PTBP3: variants seen among roughly 807,000 people sequenced by gnomAD.
The protein encoded by PTBP3 is polypyrimidine tract binding protein 3, also known as polypyrimidine tract-binding protein 3.
Under a neutral mutation model 58.7 loss-of-function variants are expected in PTBP3, and 20 were observed. The observed-to-expected ratio is 0.34, with a 90% CI of 0.24 to 0.50. The LOEUF is 0.50. Ranked by LOEUF, PTBP3 falls within the 20% of genes least tolerant of loss-of-function variation. The pLI is 0.98. For missense variants in PTBP3, 509 were observed against 637.2 expected (o/e 0.80, Z 2.17); for synonymous variants, 185 against 219.8 (o/e 0.84, Z 1.40).
intron 1 of PTBP3, chr9:112,298,577 A>C (rs531534234): frequency 3.9e-6 from 2 of 510,500 alleles, no homozygotes; most frequent in African/African-American, 3.9e-5. Flanking sequence ...AGGACAATAA[A>C]TACTATGTAC....
At chr9:112,308,444 T>C (rs1004788071) in intron 1 of PTBP3, among the ~76,000 whole-genome samples, 9 of 151,684 alleles carry the variant, frequency 5.9e-5, no homozygotes, top group Non-Finnish European at 1.0e-4. Flanking sequence ...AATTACAGAC[T>C]ACTTCAATAT....
At chr9:112,269,663 A>C (rs890316799) in intron 3 of PTBP3, among the ~76,000 whole-genome samples, 42 of 152,194 alleles carry the variant, frequency 2.8e-4, no homozygotes, top group African/African-American at 9.4e-4. Context: ...TGTAGCTCTA[A>C]CATGAGATGA....
At chr9:112,326,231 A>C (rs1243316540) in intron 1 of PTBP3, among the ~76,000 whole-genome samples, 2 of 152,218 alleles carry the variant, frequency 1.3e-5, no homozygotes, top group Non-Finnish European at 2.9e-5. Flanking sequence ...ATTACAGCTC[A>C]GTTTAAAAGG....
At position 112,223,020 on chromosome 9, in the gene PTBP3, T is replaced by A; in HGVS notation, c.*831A>T. ...TAAAAAAGTAGTTTATAAGTAGGAT[T>A]ATTTTTCTTTAAAATTTTCCAAGAT... On this transcript the variant is annotated 3_prime_UTR_variant, in exon 14 of 14. Transcript: ENST00000374257. 1.2e-6 allele frequency: 1 copy of A among 849,520 alleles called. No individual in the cohort carries two copies. The highest frequency in any genetic ancestry group is 1.4e-6 in the Non-Finnish European group (1 of 705,968). 52.6% of individuals were successfully genotyped at this position (849,520 alleles called of 1,614,324 possible).
In PTBP3 at chr9:112,218,635, T is replaced by TCTCTTTGCATTTATAACATAATTCA. The variant is rs1834701007; in HGVS notation, c.*5191_*5215dup. On this transcript the variant is annotated 3_prime_UTR_variant, in exon 14 of 14. Coordinates refer to ENST00000374257, the MANE Select transcript of PTBP3 (RefSeq NM_001163788.4). ...AAATATGTTTTTTAATATTTTATCT[T>TCTCTTTGCATTTATAACATAATTCA]CTCTTTGCATTTATAACATAATTCA... 6.6e-6 allele frequency: 1 copy of TCTCTTTGCATTTATAACATAATTCA among 152,658 alleles called. No individual in the cohort carries two copies. The allele number at this position is 152,658 out of a possible 1,614,324, so 9.5% of individuals were successfully genotyped here.
At chr9:112,363,410 T>A in the PTBP3 span, among the ~76,000 whole-genome samples, 4 of 151,808 alleles carry the variant, frequency 2.6e-5, no homozygotes, top group African/African-American at 7.3e-5. Flanking sequence ...TCCCAGTTAC[T>A]CGGGAGGCTG....
At chr9:112,267,243 G>A (rs1325700931) in intron 4 of PTBP3, among the ~76,000 whole-genome samples, 2 of 147,606 alleles carry the variant, frequency 1.4e-5, no homozygotes, top group Non-Finnish European at 1.5e-5. Flanking sequence ...TCGGCTCACC[G>A]CAAGCTCCGC....
At chr9:112,234,765 T>C in intron 8 of PTBP3, 55 bp downstream of exon 8, 1 of 1,497,954 alleles carries the variant, frequency 6.7e-7, no homozygotes, top group Non-Finnish European at 9.3e-7. Flanking sequence ...GGTAAGTTCC[T>C]AGAAAATATA....
At chr9:112,269,406 C>A (rs1165181400) in intron 3 of PTBP3, among the ~76,000 whole-genome samples, 2 of 151,922 alleles carry the variant, frequency 1.3e-5, no homozygotes, top group Non-Finnish European at 2.9e-5. Flanking sequence ...CTCCTTTTAC[C>A]CTTTTTAAAA....
intron 8 of PTBP3, 147 bp downstream of exon 8, chr9:112,234,672 TC>T (rs879930211): frequency 7.8e-6 from 5 of 641,998 alleles, no homozygotes; most frequent in Non-Finnish European, 1.0e-5. Context: ...AAGCTATATA[TC>T]ATACAAATCA....
intron 1 of PTBP3, among the ~76,000 whole-genome samples, chr9:112,307,178 C>T (rs942950051): frequency 2.6e-5 from 4 of 152,078 alleles, no homozygotes; most frequent in African/African-American, 7.2e-5. Flanking sequence ...ATTTGCCAGG[C>T]GCGGTGGCTC....
chr9:112,246,948 A>G (rs926315821), intron 7 of PTBP3, among the ~76,000 whole-genome samples: 28 of 152,306 alleles, frequency 1.8e-4, no homozygotes, highest in Middle Eastern at 3.4e-3. Context: ...AAATGTATAC[A>G]ATGATGAGGA....
chr9:112,237,823 T>C (rs1363885189), intron 7 of PTBP3, among the ~76,000 whole-genome samples: 29 of 152,122 alleles, frequency 1.9e-4, no homozygotes. Flanking sequence ...TTCAAAAGAC[T>C]ACAAGGAAGG....
chr9:112,258,155 C>T (rs1384725714), intron 5 of PTBP3, among the ~76,000 whole-genome samples: 1 of 152,112 alleles, frequency 6.6e-6, no homozygotes, highest in Admixed American at 6.5e-5. Flanking sequence ...AAAGATTGGT[C>T]CTTTGTCCAG....
rs150207921 is a variant in PTBP3, at chr9:112,225,035, G to A, written c.1365-825C>T. ...AAGCCACCCAGCTAAGCCACTTCTA[G>A]ATTCCTGACTCACAGTAACAATATG... On this transcript the variant is annotated intron_variant, in intron 12 of 13. Transcript: ENST00000374257. Among the ~76,000 whole-genome samples the A allele has an allele frequency of 1.5e-3, 232 of 152,276 alleles. 1 individual carries two copies. Among genetic ancestry groups the A allele is most frequent in the African/African-American group, 5.4e-3 (226 of 41,554 alleles).
chr9:112,374,664 C>T, the PTBP3 span, among the ~76,000 whole-genome samples: 27 of 152,198 alleles, frequency 1.8e-4, no homozygotes, highest in Non-Finnish European at 3.7e-4. Context: ...GAGCCCACTG[C>T]CACACTTCTT....
rs1834714194 is a variant in PTBP3 at position 112,218,969 on chromosome 9, TTAGA to T, written c.*4878_*4881del. Reference sequence around the variant, plus strand: ...TCCTAGCTGTGCTATTTTTTTTTTCTTAGATACAGTACTGAAAATGCCCATCAAA... The same window carrying T: ...TCCTAGCTGTGCTATTTTTTTTTTCTTACAGTACTGAAAATGCCCATCAAA... On this transcript the variant is annotated 3_prime_UTR_variant, in exon 14 of 14. Transcript: ENST00000374257. The T allele has an allele frequency of 6.6e-6, 1 of 152,294 alleles. No homozygotes were observed. Among genetic ancestry groups the T allele is most frequent in the African/African-American group, 2.4e-5 (1 of 41,430 alleles). The allele number at this position is 152,294 out of a possible 1,614,324, so 9.4% of individuals were successfully genotyped here. A position where few individuals can be genotyped will look rare whatever the true frequency, so the allele number is the denominator to read the frequency against.
At position 112,275,913 on chromosome 9, in the gene PTBP3, T is replaced by C. The variant is rs1357808466; in HGVS notation, c.135A>G (p.Ala45=). Residue 45 remains alanine (A), a synonymous_variant, in exon 3 of 14, where the codon GCA becomes GCG. Coordinates refer to ENST00000374257, the MANE Select transcript of PTBP3 (RefSeq NM_001163788.4). ...ATGGTAGACCTAATGATATGATCTCTGCTTCGGTGACATCACATGGAATTT... is the reference window on the plus strand; with the variant it reads ...ATGGTAGACCTAATGATATGATCTCCGCTTCGGTGACATCACATGGAATTT... ...LRKIPCDVTE[A]EIISLGLPFG... 3.1e-6 allele frequency: 5 copies of C among 1,613,982 alleles called. No individual in the cohort carries two copies. Among genetic ancestry groups the C allele is most frequent in the Non-Finnish European group, 3.4e-6 (4 of 1,179,826 alleles).
At chr9:112,282,337 T>TA (rs1233615930) in intron 2 of PTBP3, among the ~76,000 whole-genome samples, 1 of 152,196 alleles carries the variant, frequency 6.6e-6, no homozygotes, top group Non-Finnish European at 1.5e-5. Flanking sequence ...CTGGTTTCAT[T>TA]AATTTTTCTC....
Sources: gnomAD v4.1 joint callset for allele counts (sites outside exome capture counted in the v4.1 genomes callset) on GRCh38, gnomAD v4.1.1 for gene constraint, MANE v1.5 for transcripts, NCBI Gene and HGNC (gene_info 2026-07-23, HGNC 2026-07-21) for gene names.